TMEM132D: variants seen among roughly 807,000 people sequenced by gnomAD.
TMEM132D encodes mature OL transmembrane protein.
TMEM132D carries 21 observed loss-of-function variants against 62.3 expected under a neutral mutation model. The ratio of observed to expected loss-of-function variants is 0.34; its 90% CI spans 0.24 to 0.49. TMEM132D has a LOEUF of 0.49. Among genes scored for constraint, TMEM132D ranks in the 20% least tolerant of loss-of-function variants. The pLI is 0.99. For synonymous variants in TMEM132D, 621 were observed against 575.6 expected, an observed-to-expected ratio of 1.08 and a Z score of -1.13; for missense variants, 1,346 against 1,402.8, an observed-to-expected ratio of 0.96 and a Z score of 0.65.
chr12:129,699,444 C>T (rs1290533537), intron 2 of TMEM132D, among the ~76,000 whole-genome samples: 1 of 152,202 alleles, frequency 6.6e-6, no homozygotes, highest in East Asian at 1.9e-4. Context: ...ATTTCATTTG[C>T]AGTCTCATTT....
intron 1 of TMEM132D, among the ~76,000 whole-genome samples, chr12:129,712,056 G>A (rs915873612): frequency 6.6e-6 from 1 of 151,900 alleles, no homozygotes; most frequent in Admixed American, 6.6e-5. Flanking sequence ...CCTTGGCAGG[G>A]CTCTGTGGCA....
intron 1 of TMEM132D, among the ~76,000 whole-genome samples, chr12:129,823,106 T>C (rs180684003): frequency 5.3e-5 from 8 of 152,340 alleles, no homozygotes; most frequent in Non-Finnish European, 1.2e-4. Context: ...ATCTCTTTCT[T>C]GTTCTTGCTT....
intron 1 of TMEM132D, among the ~76,000 whole-genome samples, chr12:129,808,411 C>T (rs555843306): frequency 2.2e-4 from 33 of 152,192 alleles, no homozygotes; most frequent in Admixed American, 1.4e-3. Flanking sequence ...AAAATAAAGA[C>T]GGGTACAGGG....
chr12:129,356,698 A>AATT (rs1566043578), intron 3 of TMEM132D, among the ~76,000 whole-genome samples: 3 of 140,596 alleles, frequency 2.1e-5, no homozygotes, highest in African/African-American at 7.9e-5. Flanking sequence ...ATAAATAAAT[A>AATT]AAATAAAAAT....
intron 1 of TMEM132D, among the ~76,000 whole-genome samples, chr12:129,879,085 T>A (rs1204768011): frequency 1.3e-5 from 2 of 152,238 alleles, no homozygotes; most frequent in Non-Finnish European, 2.9e-5. Flanking sequence ...GATGGAAATA[T>A]GTGAAATGCA....
At chr12:129,610,642 A>G (rs1023611291) in intron 2 of TMEM132D, among the ~76,000 whole-genome samples, 7 of 152,156 alleles carry the variant, frequency 4.6e-5, no homozygotes, top group African/African-American at 7.2e-5. Context: ...GATTGCTTGC[A>G]TAGAGCCATG....
intron 5 of TMEM132D, among the ~76,000 whole-genome samples, chr12:129,146,940 C>T (rs758730430): frequency 2.0e-5 from 3 of 152,048 alleles, no homozygotes; most frequent in Non-Finnish European, 2.9e-5. Flanking sequence ...AAAGGTCACA[C>T]GGTGAACGCG....
chr12:129,256,857 G>T (rs766139449), intron 4 of TMEM132D, among the ~76,000 whole-genome samples: 1 of 152,172 alleles, frequency 6.6e-6, no homozygotes, highest in Non-Finnish European at 1.5e-5. Flanking sequence ...CACCACGCCC[G>T]GCCTGTTTAT....
At chr12:129,607,697 C>T (rs1263499324) in intron 2 of TMEM132D, among the ~76,000 whole-genome samples, 1 of 152,030 alleles carries the variant, frequency 6.6e-6, no homozygotes, top group Admixed American at 6.6e-5. Context: ...ATAGAATGAC[C>T]GACTACAGGA....
intron 4 of TMEM132D, among the ~76,000 whole-genome samples, chr12:129,284,111 T>A (rs1383964390): frequency 6.6e-6 from 1 of 152,244 alleles, no homozygotes; most frequent in African/African-American, 2.4e-5. Flanking sequence ...GATGTGCATA[T>A]GAGGCCTTTA....
In TMEM132D at chr12:129,072,566, C is replaced by G. The variant is rs1483764750; in HGVS notation, c.*1309G>C. On this transcript the variant is annotated 3_prime_UTR_variant, in exon 9 of 9. Coordinates refer to ENST00000422113, the MANE Select transcript of TMEM132D (RefSeq NM_133448.3). ...TGCAAACCTGCATCTTCACCACATG[C>G]ACTGATGCCCCTTATCCCTTCGCAC... The G allele has an allele frequency of 2.6e-5, 4 of 152,392 alleles. No homozygotes were observed. Among genetic ancestry groups the G allele is most frequent in the Non-Finnish European group, 4.4e-5 (3 of 68,174 alleles). 9.4% of individuals were successfully genotyped at this position (152,392 alleles called of 1,614,324 possible). A position where few individuals can be genotyped will look rare whatever the true frequency, so the allele number is the denominator to read the frequency against.
intron 4 of TMEM132D, chr12:129,262,899 T>C (rs1880588180): frequency 6.6e-6 from 1 of 152,430 alleles, no homozygotes; most frequent in South Asian, 2.1e-4. Context: ...CCCTACCCTG[T>C]TCAATGACCA....
chr12:129,640,067 C>G (rs963354749), intron 2 of TMEM132D, among the ~76,000 whole-genome samples: 1 of 152,038 alleles, frequency 6.6e-6, no homozygotes, highest in Non-Finnish European at 1.5e-5. Context: ...CATACACACA[C>G]ACACACACAC....
chr12:129,634,227 CTT>C (rs1879420970), intron 2 of TMEM132D, among the ~76,000 whole-genome samples: 1 of 152,068 alleles, frequency 6.6e-6, no homozygotes, highest in Non-Finnish European at 1.5e-5. Flanking sequence ...AATCTCACCA[CTT>C]TTGGAGGCCG....
intron 2 of TMEM132D, among the ~76,000 whole-genome samples, chr12:129,644,079 T>G (rs971486464): frequency 3.0e-4 from 46 of 152,182 alleles, no homozygotes; most frequent in African/African-American, 1.0e-3. Context: ...GGTCTCCATC[T>G]CCTGACCTCA....
chr12:129,364,946 G>C (rs1391104644), intron 3 of TMEM132D, among the ~76,000 whole-genome samples: 1 of 152,222 alleles, frequency 6.6e-6, no homozygotes, highest in African/African-American at 2.4e-5. Flanking sequence ...ACCATTGTTA[G>C]ATTTAGCAAT....
At chr12:129,644,488 A>G (rs949239895) in intron 2 of TMEM132D, among the ~76,000 whole-genome samples, 5 of 152,064 alleles carry the variant, frequency 3.3e-5, no homozygotes, top group African/African-American at 9.7e-5. Flanking sequence ...GGCCGTTACC[A>G]TGGGAGTGAG....
intron 2 of TMEM132D, among the ~76,000 whole-genome samples, chr12:129,603,119 T>A (rs557558534): frequency 1.3e-5 from 2 of 152,318 alleles, no homozygotes; most frequent in Admixed American, 1.3e-4. Context: ...TATATCCATT[T>A]GTTACAACTG....
chr12:129,403,316 A>T (rs1339055612), intron 3 of TMEM132D, among the ~76,000 whole-genome samples: 1 of 148,998 alleles, frequency 6.7e-6, no homozygotes, highest in Non-Finnish European at 1.5e-5. Context: ...ACTCCCAGGC[A>T]TGTCTCACTT....
Sources: gnomAD v4.1 joint callset for allele counts (sites outside exome capture counted in the v4.1 genomes callset) on GRCh38, gnomAD v4.1.1 for gene constraint, MANE v1.5 for transcripts, NCBI Gene and HGNC (gene_info 2026-07-23, HGNC 2026-07-21) for gene names.